The following MGAT4C variants were observed in gnomAD, a reference collection of about 807,000 sequenced individuals.
MGAT4C encodes the protein MGAT4 family member C, also known as alpha-1,3-mannosyl-glycoprotein 4-beta-N-acetylglucosaminyltransferase C.
A neutral mutation model predicts 40.1 loss-of-function variants in MGAT4C; 19 were observed. The observed-to-expected ratio is 0.47, with a 90% CI of 0.33 to 0.70. The LOEUF is 0.70. MGAT4C is among the 30% of genes least tolerant of loss of function. The probability of loss-of-function intolerance (pLI) is 0.02; values close to 1 mark genes in which losing one functional copy is unlikely to be tolerated. For synonymous variants in MGAT4C, 181 were observed against 187.1 expected (o/e 0.97, Z 0.27); for missense variants, 491 against 563.2 (o/e 0.87, Z 1.30).
intron 2 of MGAT4C, among the ~76,000 whole-genome samples, chr12:86,021,127 T>G (rs1483807439): frequency 6.6e-6 from 1 of 152,154 alleles, no homozygotes; most frequent in Non-Finnish European, 1.5e-5. Flanking sequence ...GGAACACTTT[T>G]ACACTGTTGG....
chr12:86,776,631 T>C (rs1221654331), intron 1 of MGAT4C, among the ~76,000 whole-genome samples: 1 of 152,068 alleles, frequency 6.6e-6, no homozygotes, highest in East Asian at 1.9e-4. Context: ...CTAAATAGAA[T>C]TATACTTACC....
intron 2 of MGAT4C, among the ~76,000 whole-genome samples, chr12:86,528,746 G>A (rs897349417): frequency 6.6e-6 from 1 of 151,966 alleles, no homozygotes; most frequent in Non-Finnish European, 1.5e-5. Flanking sequence ...AGACTTTAGT[G>A]TATGATTCAG....
intron 2 of MGAT4C, among the ~76,000 whole-genome samples, chr12:86,009,407 T>C (rs1888228878): frequency 6.6e-6 from 1 of 152,168 alleles, no homozygotes; most frequent in African/African-American, 2.4e-5. Context: ...CAGTTGTGTT[T>C]TCCATGCAGC....
intron 2 of MGAT4C, among the ~76,000 whole-genome samples, chr12:86,635,556 T>C (rs765359829): frequency 2.0e-5 from 3 of 152,080 alleles, no homozygotes; most frequent in Non-Finnish European, 4.4e-5. Context: ...AATATAATCA[T>C]GTGTCACATA....
At chr12:86,554,442 C>A (rs372822526) in intron 2 of MGAT4C, among the ~76,000 whole-genome samples, 27 of 152,100 alleles carry the variant, frequency 1.8e-4, no homozygotes, top group African/African-American at 6.5e-4. Context: ...TTTTGTCTAC[C>A]ATATTGCCCA....
At chr12:86,620,391 T>A (rs914755269) in intron 2 of MGAT4C, among the ~76,000 whole-genome samples, 1 of 151,772 alleles carries the variant, frequency 6.6e-6, no homozygotes, top group Non-Finnish European at 1.5e-5. Context: ...GCCATAAAAA[T>A]AATAAAATTA....
intron 1 of MGAT4C, among the ~76,000 whole-genome samples, chr12:86,102,296 C>CA (rs1875257333): frequency 6.6e-6 from 1 of 151,702 alleles, no homozygotes; most frequent in South Asian, 2.1e-4. Flanking sequence ...CAAAGGTTTC[C>CA]AAAAAATGTA....
At chr12:86,837,776 A>G (rs1389426840) in intron 1 of MGAT4C, among the ~76,000 whole-genome samples, 1 of 151,772 alleles carries the variant, frequency 6.6e-6, no homozygotes, top group African/African-American at 2.4e-5. Flanking sequence ...TCTATTCTAC[A>G]CTCCCATTCT....
At chr12:86,187,369 A>G (rs1888872139) in intron 1 of MGAT4C, among the ~76,000 whole-genome samples, 1 of 152,034 alleles carries the variant, frequency 6.6e-6, no homozygotes, top group Non-Finnish European at 1.5e-5. Context: ...AAAGTGTACA[A>G]TTTACTGAAT....
intron 1 of MGAT4C, among the ~76,000 whole-genome samples, chr12:86,829,373 T>TTTA: frequency 6.6e-6 from 1 of 151,710 alleles, no homozygotes; most frequent in South Asian, 2.1e-4. Context: ...TAAACAACCA[T>TTTA]TAGGCTTTGT....
At chr12:86,267,757 T>C (rs1331086939) in intron 4 of MGAT4C, among the ~76,000 whole-genome samples, 4 of 152,156 alleles carry the variant, frequency 2.6e-5, no homozygotes, top group Non-Finnish European at 5.9e-5. Context: ...AAGATGAACA[T>C]ATTTTTAAAG....
chr12:86,176,633 C>A (rs1887468431), intron 1 of MGAT4C, among the ~76,000 whole-genome samples: 1 of 151,468 alleles, frequency 6.6e-6, no homozygotes, highest in Non-Finnish European at 1.5e-5. Context: ...AAAATATATC[C>A]ATTACATTAA....
intron 1 of MGAT4C, among the ~76,000 whole-genome samples, chr12:86,730,011 A>C (rs528748500): frequency 2.5e-4 from 38 of 152,194 alleles, no homozygotes; most frequent in Middle Eastern, 6.8e-3. Context: ...TGATGGAAAA[A>C]TAAATCATGT....
intron 1 of MGAT4C, among the ~76,000 whole-genome samples, chr12:86,764,212 T>A (rs1170683552): frequency 6.6e-6 from 1 of 152,172 alleles, no homozygotes; most frequent in East Asian, 1.9e-4. Flanking sequence ...GGAGATTATA[T>A]CCCGCACCTG....
intron 1 of MGAT4C, among the ~76,000 whole-genome samples, chr12:86,129,953 GAC>G (rs1880934108): frequency 6.6e-6 from 1 of 152,158 alleles, no homozygotes; most frequent in Non-Finnish European, 1.5e-5. Flanking sequence ...AAATGCCTGA[GAC>G]ACTCTGGAAT....
intron 3 of MGAT4C, among the ~76,000 whole-genome samples, chr12:86,357,623 G>A (rs1249325247): frequency 6.6e-6 from 1 of 152,144 alleles, no homozygotes; most frequent in African/African-American, 2.4e-5. Context: ...ACAGTGTAGA[G>A]AAGAACTTAA....
intron 3 of MGAT4C, among the ~76,000 whole-genome samples, chr12:86,401,132 A>G (rs571373414): frequency 6.6e-6 from 1 of 152,144 alleles, no homozygotes; most frequent in South Asian, 2.1e-4. Flanking sequence ...TTACATAGGT[A>G]ACTTAAATAT....
chr12:86,197,987 T>C (rs1457633187), intron 1 of MGAT4C, among the ~76,000 whole-genome samples: 1 of 152,174 alleles, frequency 6.6e-6, no homozygotes, highest in Non-Finnish European at 1.5e-5. Flanking sequence ...GAAAATATTG[T>C]TACAATAAAC....
At chr12:86,677,933 G>A (rs2136573927) in intron 2 of MGAT4C, among the ~76,000 whole-genome samples, 1 of 152,168 alleles carries the variant, frequency 6.6e-6, no homozygotes, top group African/African-American at 2.4e-5. Flanking sequence ...ACATTCTCTA[G>A]TGTTCAGCTC....
Sources: allele counts gnomAD v4.1 joint callset (sites outside exome capture counted in the v4.1 genomes callset), GRCh38; gene constraint gnomAD v4.1.1; transcripts MANE v1.5; gene names NCBI Gene and HGNC (gene_info 2026-07-23, HGNC 2026-07-21).